Variants in LRRC28 observed in about 807,000 individuals in gnomAD.
LRRC28 encodes leucine rich repeat containing 28, also known as leucine-rich repeat-containing protein 28.
Under a neutral mutation model 45.7 loss-of-function variants are expected in LRRC28, and 39 were observed. That is an observed-to-expected ratio of 0.85 (90% confidence interval 0.66 to 1.12). LRRC28 has a LOEUF of 1.12. Among genes scored for constraint, LRRC28 ranks in the 50% most tolerant of loss-of-function variants. The pLI is 0.00. For missense variants in LRRC28, 435 were observed against 438.5 expected, an observed-to-expected ratio of 0.99 and a Z score of 0.07; for synonymous variants, 206 against 178.8, an observed-to-expected ratio of 1.15 and a Z score of -1.22.
At chr15:99,286,766 C>T (rs1025820637) in intron 3 of LRRC28, 1 of 152,284 alleles carries the variant, frequency 6.6e-6, no homozygotes, top group African/African-American at 2.4e-5. Flanking sequence ...TTGAGTATTT[C>T]TACAGACACT....
intron 2 of LRRC28, among the ~76,000 whole-genome samples, chr15:99,268,938 A>G (rs954689981): frequency 1.3e-5 from 2 of 152,254 alleles, no homozygotes; most frequent in African/African-American, 4.8e-5. Context: ...AGTTTTAACA[A>G]ATATTAAGAT....
At chr15:99,351,695 A>G (rs921638590) in intron 6 of LRRC28, among the ~76,000 whole-genome samples, 3 of 152,204 alleles carry the variant, frequency 2.0e-5, no homozygotes, top group African/African-American at 7.2e-5. Flanking sequence ...GAGGTGAGAC[A>G]CAGGAAATCT....
intron 1 of LRRC28, among the ~76,000 whole-genome samples, chr15:99,254,378 C>G (rs1458271363): frequency 6.6e-6 from 1 of 152,158 alleles, no homozygotes; most frequent in Non-Finnish European, 1.5e-5. Context: ...TAAAATATAG[C>G]CAGAAAATTA....
intron 7 of LRRC28, among the ~76,000 whole-genome samples, chr15:99,356,623 G>A (rs1446725880): frequency 6.6e-6 from 1 of 152,116 alleles, no homozygotes; most frequent in Admixed American, 6.5e-5. Flanking sequence ...AATGGGTAAC[G>A]TCAGTAACAA....
In LRRC28 at chr15:99,382,342, A is replaced by G. The variant is rs572936657; in HGVS notation, c.1032-3688A>G. Among the ~76,000 whole-genome samples, 4 of 152,364 alleles carry G rather than the reference A, an allele frequency of 2.6e-5. 1 individual carries two copies. In the South Asian group the frequency reaches 8.3e-4, roughly 32 times the overall value. The stretch of plus-strand genomic sequence containing the variant: ...GGACCCTCCCAGCCAGGCATGGGAT[A>G]TAATCTTCTGGTGTGCCGTTTGCTC... On this transcript the variant is annotated intron_variant, in intron 9 of 9. Transcript: ENST00000301981.
chr15:99,353,277 T>G (rs1356031830), intron 7 of LRRC28, among the ~76,000 whole-genome samples: 2 of 152,102 alleles, frequency 1.3e-5, no homozygotes, highest in African/African-American at 4.8e-5. Context: ...CCCCTTCTAG[T>G]CCCCATCATC....
intron 9 of LRRC28, among the ~76,000 whole-genome samples, chr15:99,381,246 T>A (rs1186522361): frequency 6.6e-6 from 1 of 152,196 alleles, no homozygotes; most frequent in Non-Finnish European, 1.5e-5. Flanking sequence ...TACTCTTTTT[T>A]CTCTTAACTT....
intron 9 of LRRC28, among the ~76,000 whole-genome samples, chr15:99,373,555 T>G (rs964627697): frequency 2.6e-5 from 4 of 152,200 alleles, no homozygotes; most frequent in African/African-American, 9.6e-5. Flanking sequence ...TTTAGTTACT[T>G]TAAAATGCAC....
At chr15:99,363,722 C>G (rs189013826) in intron 9 of LRRC28, among the ~76,000 whole-genome samples, 28 of 152,218 alleles carry the variant, frequency 1.8e-4, no homozygotes, top group African/African-American at 6.0e-4. Context: ...AATTTTTAAC[C>G]CTTCCAAATG....
At chr15:99,277,795 G>A (rs1032435891) in intron 3 of LRRC28, among the ~76,000 whole-genome samples, 6 of 149,474 alleles carry the variant, frequency 4.0e-5, no homozygotes, top group Admixed American at 3.4e-4. Context: ...CTCTAAATAA[G>A]TATGTATTTC....
Position 99,287,816 on chromosome 15 carries a change from A to G in LRRC28, c.250A>G (p.Ile84Val). Residue 84 changes from isoleucine (I) to valine (V), a missense_variant and splice_region_variant, in exon 5 of 10, where the codon ATT becomes GTT. By Grantham distance (29) the Ile-to-Val change is conservative. Transcript: ENST00000301981. Reference protein sequence around the residue: ...SNNIVVVPEAIGSLVKLQCLD... With the variant: ...SNNIVVVPEAVGSLVKLQCLD... ...GCCTTCTCCTTTTCTCTTTGAAGCC[A>G]TTGGGTCTCTTGTAAAACTCCAATG... 5 of 1,603,778 alleles carry G rather than the reference A, an allele frequency of 3.1e-6. No homozygotes were observed. The highest frequency in any genetic ancestry group is 4.3e-6 in the Non-Finnish European group (5 of 1,174,426).
chr15:99,268,555 G>A (rs12441965), intron 2 of LRRC28, among the ~76,000 whole-genome samples: 14,565 of 152,162 alleles, frequency 0.096, 982 homozygotes, highest in East Asian at 0.32. Flanking sequence ...CCTGTGTACT[G>A]GAAGTGAGAC....
intron 6 of LRRC28, among the ~76,000 whole-genome samples, chr15:99,334,890 T>C (rs991275855): frequency 5.3e-5 from 8 of 152,282 alleles, no homozygotes; most frequent in East Asian, 3.9e-4. Context: ...GGTAGTAAAG[T>C]GAATAATTTA....
chr15:99,288,002 A>G (rs1466024045), intron 5 of LRRC28, 51 bp downstream of exon 5: 1 of 1,488,332 alleles, frequency 6.7e-7, no homozygotes, highest in Non-Finnish European at 9.0e-7. Flanking sequence ...ATAAATCTGT[A>G]TTCATATTTC....
Position 99,251,995 on chromosome 15 carries a change from G to A in LRRC28, c.-61+454G>A, listed in dbSNP as rs577058268. On this transcript the variant is annotated intron_variant, in intron 1 of 9. Transcript: ENST00000301981. ...ATTGAGTACGGGGAGGTCAGTATAA[G>A]GGACTCCTTCCTTTCAAAATACTCC... is the stretch of plus-strand genomic sequence containing the variant. 5 of 152,280 alleles carry A rather than the reference G, an allele frequency of 3.3e-5. No individual in the cohort carries two copies. The South Asian group carries it at 8.3e-4, about 25-fold the overall frequency. 9.4% of individuals were successfully genotyped at this position (152,280 alleles called of 1,614,324 possible). A position where few individuals can be genotyped will look rare whatever the true frequency, so the allele number is the denominator to read the frequency against.
At chr15:99,354,799 C>G (rs1028756724) in intron 7 of LRRC28, among the ~76,000 whole-genome samples, 4 of 152,200 alleles carry the variant, frequency 2.6e-5, no homozygotes, top group African/African-American at 4.8e-5. Flanking sequence ...TCGTTCTTCA[C>G]TGCTATCATA....
chr15:99,387,220 C>A lies in LRRC28; in HGVS notation c.*1118C>A, dbSNP rs1439578393. On this transcript the variant is annotated 3_prime_UTR_variant, in exon 10 of 10. Coordinates refer to ENST00000301981, the MANE Select transcript of LRRC28 (RefSeq NM_144598.5). ...GGACCACAGGCGCCCGCCACCACGC[C>A]CGGCTAATTTTTTGTATTTTTAGTA... 1 of 147,268 alleles carries A rather than the reference C, an allele frequency of 6.8e-6. No homozygotes were observed. Among genetic ancestry groups the A allele is most frequent in the Non-Finnish European group, 1.5e-5 (1 of 66,866 alleles). The allele number at this position is 147,268 out of a possible 1,614,324, so 9.1% of individuals were successfully genotyped here.
At chr15:99,336,201 A>T (rs1956316007) in intron 6 of LRRC28, among the ~76,000 whole-genome samples, 2 of 152,216 alleles carry the variant, frequency 1.3e-5, no homozygotes, top group African/African-American at 2.4e-5. Context: ...TAATTGCTAT[A>T]CATATGCTCA....
chr15:99,354,604 A>C (rs1956991757), intron 7 of LRRC28, among the ~76,000 whole-genome samples: 1 of 151,906 alleles, frequency 6.6e-6, no homozygotes, highest in Non-Finnish European at 1.5e-5. Flanking sequence ...TTGAGCAACT[A>C]CTCTGTTTGG....
Sources: gnomAD v4.1 joint callset for allele counts (sites outside exome capture counted in the v4.1 genomes callset) on GRCh38, gnomAD v4.1.1 for gene constraint, MANE v1.5 for transcripts, NCBI Gene and HGNC (gene_info 2026-07-23, HGNC 2026-07-21) for gene names.